SFI1: variants seen among roughly 807,000 people sequenced by gnomAD.
The protein encoded by SFI1 is protein SFI1 homolog.
Under a neutral mutation model 207.5 loss-of-function variants are expected in SFI1, and 195 were observed. The ratio of observed to expected loss-of-function variants is 0.94; its 90% CI spans 0.84 to 1.06. The LOEUF (loss-of-function observed/expected upper bound fraction) is 1.06, where lower values mean the gene tolerates loss of function less well. Among genes scored for constraint, SFI1 ranks in the 50% least tolerant of loss-of-function variants. The probability of loss-of-function intolerance (pLI) is 0.00; values close to 1 mark genes in which losing one functional copy is unlikely to be tolerated. For missense variants in SFI1, 1,634 were observed against 1,588.0 expected (o/e 1.03, Z -0.49); for synonymous variants, 630 against 598.9 (o/e 1.05, Z -0.76).
intron 8 of SFI1, among the ~76,000 whole-genome samples, chr22:31,571,058 T>A (rs2062892606): frequency 6.6e-6 from 1 of 152,166 alleles, no homozygotes; most frequent in Non-Finnish European, 1.5e-5. Flanking sequence ...ACAGAAAGAT[T>A]AGAAAATAGC....
intron 4 of SFI1, among the ~76,000 whole-genome samples, chr22:31,542,669 A>T (rs1446030900): frequency 2.6e-5 from 4 of 151,756 alleles, no homozygotes; most frequent in African/African-American, 4.8e-5. Flanking sequence ...TTATTTATTT[A>T]TTCATTCTTT....
At chr22:31,529,460 A>C (rs977933986) in intron 3 of SFI1, among the ~76,000 whole-genome samples, 31 of 152,276 alleles carry the variant, frequency 2.0e-4, no homozygotes, top group African/African-American at 7.5e-4. Context: ...TGGGAGGCCG[A>C]GGTTGCAGTG....
At chr22:31,514,353 A>G (rs1032437260) in intron 2 of SFI1, among the ~76,000 whole-genome samples, 1 of 150,398 alleles carries the variant, frequency 6.6e-6, no homozygotes, top group South Asian at 2.1e-4. Context: ...AAAATACAAA[A>G]AAAAATTAGC....
intron 29 of SFI1, chr22:31,616,326 C>T (rs55894408): frequency 1.1e-3 from 186 of 164,852 alleles, no homozygotes; most frequent in Non-Finnish European, 1.6e-3. Flanking sequence ...GGGGCAAGTC[C>T]ACTCTCACCA....
intron 15 of SFI1, among the ~76,000 whole-genome samples, chr22:31,590,146 G>A (rs3986045): frequency 0.23 from 30,911 of 134,740 alleles, 4,075 homozygotes; most frequent in East Asian, 0.38. Flanking sequence ...CCCTCAAGGG[G>A]TTGGCTGAGG....
At chr22:31,590,979 A>T (rs962452768) in intron 15 of SFI1, among the ~76,000 whole-genome samples, 2,603 of 142,024 alleles carry the variant, frequency 0.018, 22 homozygotes, top group African/African-American at 0.033. Context: ...TTATTTATTT[A>T]TTTTTTTATT....
At chr22:31,544,018 G>A (rs1354613491) in intron 4 of SFI1, among the ~76,000 whole-genome samples, 4 of 152,056 alleles carry the variant, frequency 2.6e-5, no homozygotes, top group South Asian at 4.2e-4. Context: ...GCGAAAACCC[G>A]TCTCTACTGA....
intron 27 of SFI1, 130 bp downstream of exon 27, chr22:31,613,985 G>C: frequency 8.0e-7 from 1 of 1,254,136 alleles, no homozygotes; most frequent in Non-Finnish European, 1.1e-6. Flanking sequence ...TGAGCTGCTG[G>C]GAACCCCCTC....
At chr22:31,560,408 T>TC (rs2148253484) in intron 7 of SFI1, among the ~76,000 whole-genome samples, 1 of 149,098 alleles carries the variant, frequency 6.7e-6, no homozygotes, top group East Asian at 2.0e-4. Context: ...CTCTTTTTTT[T>TC]TTTTTTTTTT....
chr22:31,513,204 G>T (rs1215885289), intron 2 of SFI1, among the ~76,000 whole-genome samples: 1 of 152,068 alleles, frequency 6.6e-6, no homozygotes, highest in Non-Finnish European at 1.5e-5. Flanking sequence ...TGTTGCCCAG[G>T]CTGGAGTGCA....
At chr22:31,610,944 G>A (rs1370128659) in intron 22 of SFI1, among the ~76,000 whole-genome samples, 199 bp from the exon 23 acceptor site, 1 of 152,206 alleles carries the variant, frequency 6.6e-6, no homozygotes, top group Non-Finnish European at 1.5e-5. Flanking sequence ...TCCAGTCCCC[G>A]GGGGGTTCAC....
In SFI1 at chr22:31,501,905, C is replaced by T. The variant is rs184225213; in HGVS notation, c.-31+5268C>T. Among the ~76,000 whole-genome samples, 431 of 152,178 alleles carry T rather than the reference C, an allele frequency of 2.8e-3. 12 individuals are homozygous for T. Among genetic ancestry groups the T allele is most frequent in the Admixed American group, 0.026 (400 of 15,274 alleles). On this transcript the variant is annotated intron_variant, in intron 1 of 32. Coordinates refer to ENST00000400288, the MANE Select transcript of SFI1 (RefSeq NM_001007467.3). ...GCTCTGATTTCCTCCCATGTCCCCA[C>T]GATAAGCACATTAGCTTCATTGACA...
rs1346054304 is a variant in SFI1, at chr22:31,528,790, ACCAGTCAT to A, written c.195_202del (p.His67AlafsTer42). 6.2e-7 allele frequency: 1 copy of A among 1,614,028 alleles called. No homozygotes were observed. The highest frequency in any genetic ancestry group is 1.7e-5 in the Admixed American group (1 of 59,994). On this transcript the variant is annotated frameshift_variant, in exon 3 of 33. Coordinates refer to ENST00000400288, the MANE Select transcript of SFI1 (RefSeq NM_001007467.3). LOFTEE classifies it high-confidence loss of function. Reference sequence around the variant, plus strand: ...TGGGATCCGGAGGGAGTTACCTAGTACCAGTCATCTAGTGCAGTATCGTGGCACACATA... The same window carrying A: ...TGGGATCCGGAGGGAGTTACCTAGTACTAGTGCAGTATCGTGGCACACATA...
rs569979037 is a variant in SFI1 at position 31,511,961 on chromosome 22, T to A, written c.92+3585T>A. Among the ~76,000 whole-genome samples the A allele has an allele frequency of 1.6e-4, 25 of 152,272 alleles. No individual in the cohort carries two copies. The South Asian group carries it at 5.0e-3, about 30-fold the overall frequency. ...GTCACCGTGCCCCAGCCTTAGGTGT[T>A]AAATTTGCAGATTCAGAAAGGTATG... On this transcript the variant is annotated intron_variant, in intron 2 of 32. Transcript: ENST00000400288.
Position 31,557,036 on chromosome 22 carries a change from G to A in SFI1, c.639G>A (p.Glu213=). 6.2e-7 allele frequency: 1 copy of A among 1,608,364 alleles called. No individual in the cohort carries two copies. The highest frequency in any genetic ancestry group is 8.5e-7 in the Non-Finnish European group (1 of 1,176,452). Residue 213 remains glutamate, a synonymous_variant, in exon 7 of 33, where the codon GAG becomes GAA. Coordinates refer to ENST00000400288, the MANE Select transcript of SFI1 (RefSeq NM_001007467.3). ...TTCAGATGCAGACTACAGCTCTGGA[G>A]TTTAGGCAACGGATTATCTTACGGT... The part of the protein sequence containing the change: ...TKLQMQTTAL[E]FRQRIILRVW...
At chr22:31,521,002 CAAAAAAAAAA>C (rs57346699) in intron 2 of SFI1, among the ~76,000 whole-genome samples, 1 of 47,500 alleles carries the variant, frequency 2.1e-5, no homozygotes, top group African/African-American at 8.4e-5. Context: ...GACCCTGTCT[CAAAAAAAAAA>C]AAAAAAAAAA....
chr22:31,499,268 C>T (rs2053301117), intron 1 of SFI1, among the ~76,000 whole-genome samples: 2 of 152,070 alleles, frequency 1.3e-5, no homozygotes, highest in Non-Finnish European at 2.9e-5. Flanking sequence ...CCAAAGTGCT[C>T]ACCACAACCT....
At chr22:31,499,795 T>C (rs1049264387) in intron 1 of SFI1, among the ~76,000 whole-genome samples, 10 of 150,492 alleles carry the variant, frequency 6.6e-5, no homozygotes, top group Admixed American at 6.6e-4. Context: ...TCGAGACCAG[T>C]CTGGCCAACA....
Position 31,604,860 on chromosome 22 carries a change from C to A in SFI1, c.1978-9C>A, listed in dbSNP as rs761892475. The stretch of plus-strand genomic sequence containing the variant: ...CAAGAGCAGCCTCAGTCTTCCTTGT[C>A]CCCTACAGACTTACCAGGGCAGGGT... On this transcript the variant is annotated splice_polypyrimidine_tract_variant and intron_variant, in intron 19 of 32. Transcript: ENST00000400288. 5.0e-6 allele frequency: 8 copies of A among 1,610,360 alleles called. No homozygotes were observed. Among genetic ancestry groups the A allele is most frequent in the South Asian group, 2.2e-5 (2 of 90,710 alleles).
Sources: gnomAD v4.1 joint callset for allele counts (sites outside exome capture counted in the v4.1 genomes callset) on GRCh38, gnomAD v4.1.1 for gene constraint, MANE v1.5 for transcripts, NCBI Gene and HGNC (gene_info 2026-07-23, HGNC 2026-07-21) for gene names.